The following ESRRG variants were observed in gnomAD, a reference collection of about 807,000 sequenced individuals.
ESRRG encodes the protein estrogen related receptor gamma.
Under a neutral mutation model 44.0 loss-of-function variants are expected in ESRRG, and 13 were observed. That is an observed-to-expected ratio of 0.30 (90% confidence interval 0.19 to 0.47). ESRRG has a LOEUF of 0.47. ESRRG is among the 20% of genes least tolerant of loss of function. The probability of loss-of-function intolerance (pLI) is 1.00; values close to 1 mark genes in which losing one functional copy is unlikely to be tolerated. For synonymous variants in ESRRG, 215 were observed against 214.6 expected (o/e 1.00, Z -0.02); for missense variants, 395 against 580.6 (o/e 0.68, Z 3.29).
intron 2 of ESRRG, among the ~76,000 whole-genome samples, chr1:216,739,264 GA>G (rs59371441): frequency 0.016 from 2,368 of 143,868 alleles, 53 homozygotes; most frequent in African/African-American, 0.051. Flanking sequence ...TCATTAAAGT[GA>G]AAAAAAAAAA....
intron 2 of ESRRG, among the ~76,000 whole-genome samples, chr1:216,793,959 A>ATTTT (rs34752392): frequency 7.6e-5 from 11 of 143,896 alleles, no homozygotes; most frequent in African/African-American, 2.8e-4. Context: ...TTAACTAAGG[A>ATTTT]TTTTTTTTTT....
chr1:216,683,649 A>G (rs967454309), intron 1 of ESRRG, among the ~76,000 whole-genome samples: 3 of 152,180 alleles, frequency 2.0e-5, no homozygotes, highest in African/African-American at 7.2e-5. Context: ...TGCTGCAAGC[A>G]AAAAGGAAAT....
chr1:216,758,095 T>A (rs1436241920), intron 2 of ESRRG, among the ~76,000 whole-genome samples: 1 of 152,092 alleles, frequency 6.6e-6, no homozygotes, highest in African/African-American at 2.4e-5. Flanking sequence ...AAATTCATGT[T>A]GATTCTTTCC....
chr1:216,747,962 T>C (rs2091599154), intron 2 of ESRRG, among the ~76,000 whole-genome samples: 2 of 152,162 alleles, frequency 1.3e-5, no homozygotes, highest in Admixed American at 6.6e-5. Context: ...AGAAAGGTGA[T>C]TGTATAAAGG....
At chr1:217,114,917 C>T (rs1167683291) in intron 1 of ESRRG, among the ~76,000 whole-genome samples, 1 of 152,242 alleles carries the variant, frequency 6.6e-6, no homozygotes, top group East Asian at 1.9e-4. Flanking sequence ...CCCTCCTCAG[C>T]CTCCCAAAGT....
chr1:217,093,849 G>A (rs532539231), upstream of ESRRG, among the ~76,000 whole-genome samples: 1 of 150,588 alleles, frequency 6.6e-6, no homozygotes, highest in Non-Finnish European at 1.5e-5. Context: ...TTTTTAATGA[G>A]ATAAAATTAT....
intron 3 of ESRRG, among the ~76,000 whole-genome samples, chr1:216,645,011 C>T (rs916058213): frequency 2.0e-5 from 3 of 152,052 alleles, no homozygotes; most frequent in African/African-American, 7.2e-5. Context: ...AGAAATAAAA[C>T]CATACTGACT....
At chr1:216,650,084 T>A (rs2068576418) in intron 3 of ESRRG, among the ~76,000 whole-genome samples, 1 of 152,194 alleles carries the variant, frequency 6.6e-6, no homozygotes, top group African/African-American at 2.4e-5. Context: ...TTAATTACCA[T>A]CTTTTCATTG....
chr1:216,591,153 T>A (rs1228364299), intron 3 of ESRRG, among the ~76,000 whole-genome samples: 1 of 152,146 alleles, frequency 6.6e-6, no homozygotes, highest in African/African-American at 2.4e-5. Flanking sequence ...AAGTCTTGAT[T>A]AAAAACTTAG....
intron 1 of ESRRG, among the ~76,000 whole-genome samples, chr1:217,025,283 A>AT (rs2081009439): frequency 6.6e-6 from 1 of 152,220 alleles, no homozygotes; most frequent in South Asian, 2.1e-4. Flanking sequence ...AGTGTCAGTC[A>AT]TTAAAAATAA....
At chr1:216,837,609 A>G (rs1260684041) in intron 2 of ESRRG, among the ~76,000 whole-genome samples, 1 of 152,120 alleles carries the variant, frequency 6.6e-6, no homozygotes, top group Non-Finnish European at 1.5e-5. Flanking sequence ...TCCCCTGGTC[A>G]TCAAGAGAAT....
intron 1 of ESRRG, among the ~76,000 whole-genome samples, chr1:217,021,405 G>T (rs2080304725): frequency 6.6e-6 from 1 of 152,188 alleles, no homozygotes; most frequent in African/African-American, 2.4e-5. Context: ...GAGCTGCAAA[G>T]CCATGGACTC....
Position 216,841,626 on chromosome 1 carries a change from G to C in ESRRG, c.-14+97956C>G, listed in dbSNP as rs989317962. ...TGGCAGGCCAGGTGAAAACCTGAAAGAATAAGACAGGTAGCTTATGGCAGG... is the reference window on the plus strand; with the variant it reads ...TGGCAGGCCAGGTGAAAACCTGAAACAATAAGACAGGTAGCTTATGGCAGG... On this transcript the variant is annotated intron_variant, in intron 2 of 7. Transcript: ENST00000359162. 2.6e-5 allele frequency among the ~76,000 whole-genome samples: 4 copies of C among 152,106 alleles called. No homozygotes were observed. In the South Asian group the frequency reaches 8.3e-4, roughly 31 times the overall value.
At chr1:216,613,945 C>T (rs904007326) in intron 3 of ESRRG, among the ~76,000 whole-genome samples, 4 of 152,198 alleles carry the variant, frequency 2.6e-5, no homozygotes, top group African/African-American at 7.2e-5. Flanking sequence ...TCCTAAGTTT[C>T]ATGGGAGAGT....
intron 2 of ESRRG, among the ~76,000 whole-genome samples, chr1:216,933,518 A>G (rs1268278044): frequency 6.6e-6 from 1 of 152,182 alleles, no homozygotes; most frequent in African/African-American, 2.4e-5. Context: ...GATTTGAGCT[A>G]CCAACATGAC....
chr1:216,583,645 A>G (rs2063221341), intron 3 of ESRRG, among the ~76,000 whole-genome samples: 1 of 152,230 alleles, frequency 6.6e-6, no homozygotes, highest in Non-Finnish European at 1.5e-5. Context: ...GTAGGTAAAG[A>G]AAGCACAGAA....
upstream of ESRRG, among the ~76,000 whole-genome samples, chr1:217,091,567 G>T (rs2092346195): frequency 6.6e-6 from 1 of 152,170 alleles, no homozygotes; most frequent in Admixed American, 6.5e-5. Flanking sequence ...GACTAAGAGG[G>T]TCTGAGGACT....
chr1:216,542,098 G>C (rs2053044593), intron 5 of ESRRG, among the ~76,000 whole-genome samples: 3 of 151,668 alleles, frequency 2.0e-5, no homozygotes, highest in African/African-American at 7.3e-5. Flanking sequence ...GAGAGAGAGA[G>C]AGAGAGAGAG....
chr1:216,713,823 A>G lies in ESRRG; in HGVS notation c.56+9421T>C, dbSNP rs141450084. Among the ~76,000 whole-genome samples, 612 of 152,276 alleles carry G rather than the reference A, an allele frequency of 4.0e-3. 8 individuals are homozygous for G. The highest frequency in any genetic ancestry group is 0.014 in the African/African-American group (591 of 41,558). On this transcript the variant is annotated intron_variant, in intron 1 of 6. Transcript: ENST00000408911. ...CTTTTGCTAATGTAACAGTGTTGGC[A>G]TTTTACTTCATTCCTGATAAGCTGG...
Sources: gnomAD v4.1 joint callset for allele counts (sites outside exome capture counted in the v4.1 genomes callset) on GRCh38, gnomAD v4.1.1 for gene constraint, MANE v1.5 for transcripts, NCBI Gene and HGNC (gene_info 2026-07-23, HGNC 2026-07-21) for gene names.